The following LDHAL6A variants were observed in gnomAD, a reference collection of about 807,000 sequenced individuals.
The protein encoded by LDHAL6A is lactate dehydrogenase A like 6A, also known as L-lactate dehydrogenase A-like 6A.
A neutral mutation model predicts 28.2 loss-of-function variants in LDHAL6A; 19 were observed. The ratio of observed to expected loss-of-function variants is 0.67; its 90% CI spans 0.47 to 0.99. LDHAL6A has a LOEUF of 0.99. Ranked by LOEUF, LDHAL6A falls within the 50% of genes least tolerant of loss-of-function variation. The pLI, the probability that LDHAL6A is intolerant of heterozygous loss-of-function variation, is 0.00. For missense variants in LDHAL6A, 372 were observed against 398.6 expected, an observed-to-expected ratio of 0.93 and a Z score of 0.57; for synonymous variants, 144 against 134.4, an observed-to-expected ratio of 1.07 and a Z score of -0.49.
At chr11:18,463,401 C>A (rs933383540) in intron 1 of LDHAL6A, among the ~76,000 whole-genome samples, 17 of 152,254 alleles carry the variant, frequency 1.1e-4, no homozygotes, top group Admixed American at 9.2e-4. Context: ...ATATGGCGGC[C>A]CCCTGACCTT....
chr11:18,475,446 T>C lies in LDHAL6A; in HGVS notation c.419-20T>C, dbSNP rs1185502296. The C allele has an allele frequency of 6.3e-7, 1 of 1,587,804 alleles. No homozygotes were observed. Among genetic ancestry groups the C allele is most frequent in the Admixed American group, 1.7e-5 (1 of 58,476 alleles). On this transcript the variant is annotated intron_variant, in intron 3 of 6. Transcript: ENST00000280706. ...CCTTGTAGATGAGGACATTTCTTGATATGAACTTTTTCTTCTTAGTGGATA... is the reference window on the plus strand; with the variant it reads ...CCTTGTAGATGAGGACATTTCTTGACATGAACTTTTTCTTCTTAGTGGATA...
intron 2 of LDHAL6A, among the ~76,000 whole-genome samples, chr11:18,465,251 T>C (rs902376451): frequency 2.0e-5 from 3 of 152,010 alleles, no homozygotes; most frequent in African/African-American, 7.3e-5. Flanking sequence ...GTCTCCCTTG[T>C]AGCTGGGACT....
At chr11:18,473,081 C>G (rs372035364) in intron 3 of LDHAL6A, among the ~76,000 whole-genome samples, 21 of 152,012 alleles carry the variant, frequency 1.4e-4, no homozygotes, top group Admixed American at 9.2e-4. Context: ...TCCTCACTTA[C>G]GAGTATTTTC....
intron 1 of LDHAL6A, among the ~76,000 whole-genome samples, chr11:18,458,758 TTTAA>T (rs1439211895): frequency 6.8e-6 from 1 of 147,692 alleles, no homozygotes; most frequent in Non-Finnish European, 1.5e-5. Flanking sequence ...ATACATAAAC[TTTAA>T]TTAGTATAAT....
At chr11:18,466,671 AGT>A (rs1554967273) in intron 3 of LDHAL6A, among the ~76,000 whole-genome samples, 17 of 150,914 alleles carry the variant, frequency 1.1e-4, no homozygotes, top group South Asian at 6.3e-4. Context: ...AAAAAAAAAA[AGT>A]AGTGTGTATG....
chr11:18,468,038 C>CATAT, intron 3 of LDHAL6A, among the ~76,000 whole-genome samples: 1 of 46,072 alleles, frequency 2.2e-5, no homozygotes, highest in Admixed American at 2.9e-4. Flanking sequence ...TATATATATA[C>CATAT]ATATATATAC....
chr11:18,469,519 CTCTT>C (rs1849206252), intron 3 of LDHAL6A, among the ~76,000 whole-genome samples: 1 of 152,140 alleles, frequency 6.6e-6, no homozygotes, highest in South Asian at 2.1e-4. Flanking sequence ...TCAGAGGATA[CTCTT>C]TCTACATTTT....
In LDHAL6A at chr11:18,461,524, G is replaced by T. The variant is rs1173095019; in HGVS notation, c.127-2437G>T. 2.0e-5 allele frequency among the ~76,000 whole-genome samples: 3 copies of T among 152,132 alleles called. No homozygotes were observed. In the East Asian group the frequency reaches 5.8e-4, roughly 30 times the overall value. Reference sequence around the variant, plus strand: ...ATTTATTATGTAATAAAGATAAAAAGAATATGTAGTTAAAAGGTAATACAT... The same window carrying T: ...ATTTATTATGTAATAAAGATAAAAATAATATGTAGTTAAAAGGTAATACAT... On this transcript the variant is annotated intron_variant, in intron 1 of 6. Coordinates refer to ENST00000280706, the MANE Select transcript of LDHAL6A (RefSeq NM_144972.5).
rs67628824 is a variant in LDHAL6A, at chr11:18,464,977, G to GTTTTTTTTTTTTT, written c.245-651_245-650insTTTTTTTTTTTTT. Among the ~76,000 whole-genome samples the GTTTTTTTTTTTTT allele has an allele frequency of 3.7e-3, 468 of 125,366 alleles. 50 individuals are homozygous for GTTTTTTTTTTTTT. The highest frequency in any genetic ancestry group is 4.2e-3 in the South Asian group (17 of 4,030). The allele number at this position is 125,366 out of a possible 152,430, so 82.2% of individuals were successfully genotyped here. On this transcript the variant is annotated intron_variant, in intron 2 of 6. Coordinates refer to ENST00000280706, the MANE Select transcript of LDHAL6A (RefSeq NM_144972.5). ...TTTTAGGAGGTGAGGTGTTTTTTTTGTTTTTTTTTGTTTTGTTTTGTTTTG... is the reference window on the plus strand; with the variant it reads ...TTTTAGGAGGTGAGGTGTTTTTTTTGTTTTTTTTTTTTTTTTTTTTTTGTTTTGTTTTGTTTTG...
At chr11:18,470,899 C>A (rs1380109141) in intron 3 of LDHAL6A, among the ~76,000 whole-genome samples, 1 of 152,076 alleles carries the variant, frequency 6.6e-6, no homozygotes, top group Non-Finnish European at 1.5e-5. Flanking sequence ...GATGGCCAGT[C>A]TGGTCTCAAA....
intron 1 of LDHAL6A, among the ~76,000 whole-genome samples, chr11:18,460,647 C>T (rs1402951745): frequency 6.6e-6 from 1 of 151,156 alleles, no homozygotes; most frequent in Non-Finnish European, 1.5e-5. Context: ...GTAGTACTAG[C>T]TACTTGGGAG....
At chr11:18,464,973 TTTTGTTTTTTTTTGTTTTGTTTTG>T (rs1849012183) in intron 2 of LDHAL6A, among the ~76,000 whole-genome samples, 2 of 7,634 alleles carry the variant, frequency 2.6e-4, no homozygotes, top group Admixed American at 3.3e-3. Flanking sequence ...GAGGTGTTTT[TTTTGTTTTTTTTTGTTTTGTTTTG>T]TTTTGGTTTG....
intron 2 of LDHAL6A, among the ~76,000 whole-genome samples, chr11:18,464,975 T>G (rs988938958): frequency 1.2e-4 from 1 of 8,438 alleles, no homozygotes; most frequent in African/African-American, 3.3e-4. Context: ...GGTGTTTTTT[T>G]TGTTTTTTTT....
At chr11:18,468,359 G>C (rs1403236682) in intron 3 of LDHAL6A, 3 of 148,734 alleles carry the variant, frequency 2.0e-5, no homozygotes, top group African/African-American at 7.4e-5. Flanking sequence ...CTTTTTTTGA[G>C]ATGGAGTCTT....
At position 18,464,029 on chromosome 11, in the gene LDHAL6A, T is replaced by G. The variant is rs767393631; in HGVS notation, c.195T>G (p.Leu65=). ...AACTGAAGGGTGAGACAATGGATCT[T>G]CAACATGGCAGCCCTTTTATGAAAA... is the stretch of plus-strand genomic sequence containing the variant. ...EGKLKGETMD[L]QHGSPFMKMP... Residue 65 remains leucine, a synonymous_variant, in exon 2 of 7, where the codon CTT becomes CTG. Coordinates refer to ENST00000280706, the MANE Select transcript of LDHAL6A (RefSeq NM_144972.5). 1.9e-6 allele frequency: 3 copies of G among 1,614,074 alleles called. No individual in the cohort carries two copies. The highest frequency in any genetic ancestry group is 1.7e-6 in the Non-Finnish European group (2 of 1,179,952).
Position 18,456,581 on chromosome 11 carries a change from C to A in LDHAL6A, c.-100C>A. 9.3e-7 allele frequency: 1 copy of A among 1,079,664 alleles called. No individual in the cohort carries two copies. The highest frequency in any genetic ancestry group is 1.4e-6 in the Non-Finnish European group (1 of 721,674). 66.9% of individuals were successfully genotyped at this position (1,079,664 alleles called of 1,614,324 possible). A position where few individuals can be genotyped will look rare whatever the true frequency, so the allele number is the denominator to read the frequency against. On this transcript the variant is annotated 5_prime_UTR_variant, in exon 1 of 7. Coordinates refer to ENST00000280706, the MANE Select transcript of LDHAL6A (RefSeq NM_144972.5). ...CCTTCCACACGGGCCCAGGAGTTCT[C>A]TATACGCGCTCTCACCGCAGGTCTT...
chr11:18,470,488 A>G (rs1232334475), intron 3 of LDHAL6A, among the ~76,000 whole-genome samples: 1 of 152,232 alleles, frequency 6.6e-6, no homozygotes, highest in Non-Finnish European at 1.5e-5. Flanking sequence ...AAAAGTAAGT[A>G]TCATTTAAAT....
intron 6 of LDHAL6A, among the ~76,000 whole-genome samples, chr11:18,478,407 T>G (rs1396111078): frequency 2.0e-5 from 3 of 152,068 alleles, no homozygotes; most frequent in Non-Finnish European, 2.9e-5. Flanking sequence ...TAAATTGTTT[T>G]CTGTCGGCCG....
Position 18,479,018 on chromosome 11 carries a change from T to G in LDHAL6A, c.*148T>G. Reference sequence around the variant, plus strand: ...TTAGTATAGCCTTCCAGCTTTTTTTTTTTTCTTTTTTGGGAGGGTCTCATT... The same window carrying G: ...TTAGTATAGCCTTCCAGCTTTTTTTGTTTTCTTTTTTGGGAGGGTCTCATT... On this transcript the variant is annotated 3_prime_UTR_variant, in exon 7 of 7. Coordinates refer to ENST00000280706, the MANE Select transcript of LDHAL6A (RefSeq NM_144972.5). 1.1e-5 allele frequency: 7 copies of G among 662,348 alleles called. No homozygotes were observed. Among genetic ancestry groups the G allele is most frequent in the Non-Finnish European group, 1.7e-5 (7 of 410,328 alleles). The allele number at this position is 662,348 out of a possible 1,614,324, so 41.0% of individuals were successfully genotyped here.
Sources: gnomAD v4.1 joint callset for allele counts (sites outside exome capture counted in the v4.1 genomes callset) on GRCh38, gnomAD v4.1.1 for gene constraint, MANE v1.5 for transcripts, NCBI Gene and HGNC (gene_info 2026-07-23, HGNC 2026-07-21) for gene names.